The following NAV2 variants were observed in gnomAD, a reference collection of about 807,000 sequenced individuals.
NAV2 encodes helicase, APC down-regulated 1.
Under a neutral mutation model 223.2 loss-of-function variants are expected in NAV2, and 54 were observed. The ratio of observed to expected loss-of-function variants is 0.24; its 90% CI spans 0.19 to 0.30. The LOEUF (loss-of-function observed/expected upper bound fraction) is 0.30, where lower values mean the gene tolerates loss of function less well. NAV2 is among the 10% of genes least tolerant of loss of function. The pLI, the probability that NAV2 is intolerant of heterozygous loss-of-function variation, is 1.00. For synonymous variants in NAV2, 1,279 were observed against 1,239.3 expected (o/e 1.03, Z -0.67); for missense variants, 2,806 against 3,147.5 (o/e 0.89, Z 2.60).
intron 1 of NAV2, among the ~76,000 whole-genome samples, chr11:19,428,473 C>T (rs757419035): frequency 3.3e-4 from 51 of 152,274 alleles, no homozygotes; most frequent in African/African-American, 9.9e-4. Flanking sequence ...TAATTGGTTT[C>T]GCATCCAAAG....
chr11:19,927,625 A>C (rs1358287591), intron 6 of NAV2, among the ~76,000 whole-genome samples: 2 of 152,230 alleles, frequency 1.3e-5, no homozygotes, highest in African/African-American at 4.8e-5. Flanking sequence ...CTGTGGTTCC[A>C]GCAGTGAGCC....
At chr11:19,823,689 T>C (rs1177001228) in intron 1 of NAV2, among the ~76,000 whole-genome samples, 2 of 152,170 alleles carry the variant, frequency 1.3e-5, no homozygotes. Context: ...GTCGAGCAAC[T>C]CAGTAGGTCC....
chr11:19,934,296 C>T lies in NAV2; in HGVS notation c.2033+19C>T, dbSNP rs2153275884. 2 of 1,547,160 alleles carry T rather than the reference C, an allele frequency of 1.3e-6. No homozygotes were observed. The highest frequency in any genetic ancestry group is 1.7e-6 in the Non-Finnish European group (2 of 1,144,924). On this transcript the variant is annotated intron_variant, in intron 7 of 37. Coordinates refer to ENST00000349880, the MANE Select transcript of NAV2 (RefSeq NM_145117.5). Reference sequence around the variant, plus strand: ...TGTACAGGTAGGAGCTGCCACCCACCTGTGCTGCCTGGGACATTGGGTAAA... The same window carrying T: ...TGTACAGGTAGGAGCTGCCACCCACTTGTGCTGCCTGGGACATTGGGTAAA...
chr11:19,806,589 A>G (rs936575860), intron 1 of NAV2, among the ~76,000 whole-genome samples: 1 of 152,196 alleles, frequency 6.6e-6, no homozygotes, highest in Admixed American at 6.5e-5. Context: ...CTTGTTAACT[A>G]CTAGACCTTG....
chr11:19,454,610 A>G (rs1361188785), intron 1 of NAV2, among the ~76,000 whole-genome samples: 1 of 152,164 alleles, frequency 6.6e-6, no homozygotes, highest in Middle Eastern at 3.2e-3. Flanking sequence ...CACTGTGCTG[A>G]GCTGGGAGGC....
chr11:19,791,743 G>A (rs2057534326), intron 1 of NAV2, among the ~76,000 whole-genome samples: 1 of 152,184 alleles, frequency 6.6e-6, no homozygotes, highest in South Asian at 2.1e-4. Flanking sequence ...AGAAAGCCTG[G>A]CAGGAGAGGA....
intron 1 of NAV2, among the ~76,000 whole-genome samples, chr11:19,463,237 G>T (rs2133874623): frequency 6.6e-6 from 1 of 152,376 alleles, no homozygotes; most frequent in South Asian, 2.1e-4. Context: ...AAGTAATAGA[G>T]ATCATGTTCT....
At chr11:19,483,708 T>A (rs772265901) in intron 1 of NAV2, among the ~76,000 whole-genome samples, 5 of 152,098 alleles carry the variant, frequency 3.3e-5, no homozygotes, top group South Asian at 2.1e-4. Context: ...AGGTATTAAG[T>A]TTTTTGGCAG....
chr11:19,403,480 G>A (rs1306902794), intron 1 of NAV2, among the ~76,000 whole-genome samples: 2 of 152,214 alleles, frequency 1.3e-5, no homozygotes, highest in African/African-American at 4.8e-5. Context: ...CCTAGCAAGA[G>A]GAATGGGAGG....
At chr11:19,784,615 G>A (rs1161023561) in intron 1 of NAV2, among the ~76,000 whole-genome samples, 2 of 151,844 alleles carry the variant, frequency 1.3e-5, no homozygotes, top group Non-Finnish European at 2.9e-5. Flanking sequence ...GTAAATTTTG[G>A]TCCTGTCTTG....
intron 10 of NAV2, among the ~76,000 whole-genome samples, chr11:19,954,575 C>G (rs781667552): frequency 5.9e-5 from 9 of 152,134 alleles, no homozygotes; most frequent in African/African-American, 4.8e-5. Context: ...CCTATAATAT[C>G]TAATACAATG....
intron 8 of NAV2, among the ~76,000 whole-genome samples, chr11:19,942,321 C>T (rs1426076165): frequency 3.3e-5 from 5 of 152,156 alleles, no homozygotes; most frequent in Non-Finnish European, 7.3e-5. Context: ...TGATGTAGAG[C>T]CCTGGAGGAA....
intron 1 of NAV2, among the ~76,000 whole-genome samples, chr11:19,532,559 C>T (rs780136511): frequency 6.6e-6 from 1 of 152,058 alleles, no homozygotes; most frequent in Admixed American, 6.5e-5. Flanking sequence ...AATATAATCA[C>T]TAATCATCAT....
At chr11:19,996,370 C>A (rs950953885) in intron 11 of NAV2, among the ~76,000 whole-genome samples, 3 of 152,220 alleles carry the variant, frequency 2.0e-5, no homozygotes, top group Admixed American at 2.0e-4. Context: ...GACCTTTAAG[C>A]CAGTCCGCCT....
intron 6 of NAV2, among the ~76,000 whole-genome samples, chr11:19,927,073 C>T (rs1021971424): frequency 2.0e-5 from 3 of 152,346 alleles, no homozygotes; most frequent in African/African-American, 7.2e-5. Flanking sequence ...AAAAACCAAA[C>T]CAAACTTTTT....
intron 2 of NAV2, among the ~76,000 whole-genome samples, chr11:19,837,154 AGT>A (rs535776767): frequency 6.0e-4 from 92 of 152,366 alleles, no homozygotes; most frequent in African/African-American, 2.1e-3. Flanking sequence ...ATCTGGGGAC[AGT>A]GTGAACATCA....
chr11:19,497,075 A>G (rs557918349), intron 1 of NAV2, among the ~76,000 whole-genome samples: 1 of 152,326 alleles, frequency 6.6e-6, no homozygotes, highest in South Asian at 2.1e-4. Flanking sequence ...GATAGTACCC[A>G]TCCCAGCAGG....
intron 6 of NAV2, among the ~76,000 whole-genome samples, chr11:19,915,522 T>C (rs1438941758): frequency 6.6e-6 from 1 of 152,224 alleles, no homozygotes; most frequent in Non-Finnish European, 1.5e-5. Flanking sequence ...GGCCATACTC[T>C]CTTATAATCG....
In NAV2 at chr11:20,045,495, C is replaced by T; in HGVS notation, c.3727C>T (p.Pro1243Ser). The change falls in exon 14 of 38, where the codon CCA becomes TCA. Residue 1243 changes from proline to serine, a missense_variant. Physicochemically the swap from Pro to Ser is moderately conservative, Grantham distance 74 (BLOSUM62 -1). This residue lies in a region of NAV2 where 742 missense variants were observed against 777.9 expected (regional missense o/e 0.95). Coordinates refer to ENST00000349880, the MANE Select transcript of NAV2 (RefSeq NM_145117.5). ...PSKTALGSSL[P>S]GLVNQTDKEK... is the part of the protein sequence containing the mutation. ...CAAAACAGCCCTAGGCAGCTCTCTA[C>T]CAGGTCTGGTCAACCAAACAGACAA... 4 of 1,614,144 alleles carry T rather than the reference C, an allele frequency of 2.5e-6. No homozygotes were observed. Among genetic ancestry groups the T allele is most frequent in the East Asian group, 2.2e-5 (1 of 44,880 alleles).
Sources: gnomAD v4.1 joint callset for allele counts (sites outside exome capture counted in the v4.1 genomes callset) on GRCh38, gnomAD v4.1.1 for gene constraint, gnomAD v4.1.1 regional missense constraint, MANE v1.5 for transcripts, NCBI Gene and HGNC (gene_info 2026-07-23, HGNC 2026-07-21) for gene names.